The following RBFOX3 variants were observed in gnomAD, a reference collection of about 807,000 sequenced individuals.
RBFOX3 encodes the protein RNA binding fox-1 homolog 3.
In RBFOX3, 17 loss-of-function variants were observed where a neutral mutation model predicts 48.7. The ratio of observed to expected loss-of-function variants is 0.35; its 90% CI spans 0.24 to 0.52. The LOEUF (loss-of-function observed/expected upper bound fraction) is 0.52, where lower values mean the gene tolerates loss of function less well. Ranked by LOEUF, RBFOX3 falls within the 20% of genes least tolerant of loss-of-function variation. RBFOX3 has a pLI of 0.94. For missense variants in RBFOX3, 382 were observed against 497.5 expected (o/e 0.77, Z 2.21); for synonymous variants, 212 against 209.5 (o/e 1.01, Z -0.10).
At chr17:79,575,840 T>C (rs899059830) in intron 1 of RBFOX3, among the ~76,000 whole-genome samples, 210 of 152,246 alleles carry the variant, frequency 1.4e-3, no homozygotes, top group Non-Finnish European at 2.5e-3. Context: ...AATTATTTCA[T>C]GGTATTCCTG....
the RBFOX3 span, among the ~76,000 whole-genome samples, chr17:79,652,101 A>G: frequency 1.3e-5 from 2 of 152,024 alleles, no homozygotes; most frequent in African/African-American, 4.8e-5. Context: ...TCCCCCGCCC[A>G]TGGAAACTGT....
intron 3 of RBFOX3, among the ~76,000 whole-genome samples, chr17:79,264,773 A>G (rs2066390533): frequency 6.6e-6 from 1 of 152,168 alleles, no homozygotes; most frequent in Middle Eastern, 3.4e-3. Context: ...GGTCCTGTGT[A>G]TACTGCCAGA....
intron 4 of RBFOX3, among the ~76,000 whole-genome samples, chr17:79,187,780 G>C (rs1380563255): frequency 6.6e-6 from 1 of 152,112 alleles, no homozygotes; most frequent in East Asian, 1.9e-4. Flanking sequence ...CCCCCACTCA[G>C]GCTTTCATGG....
intron 4 of RBFOX3, among the ~76,000 whole-genome samples, chr17:79,217,955 G>C (rs1042952847): frequency 2.6e-5 from 4 of 152,046 alleles, no homozygotes; most frequent in Admixed American, 6.5e-5. Flanking sequence ...TCTGTGTTAC[G>C]AAGGTGAGAT....
At chr17:79,159,330 A>G (rs1485230441) in intron 4 of RBFOX3, among the ~76,000 whole-genome samples, 1 of 152,084 alleles carries the variant, frequency 6.6e-6, no homozygotes, top group African/African-American at 2.4e-5. Context: ...CACAGATTCT[A>G]TAGCCGGAGA....
chr17:79,360,006 G>A (rs140461219), intron 2 of RBFOX3, among the ~76,000 whole-genome samples: 342 of 152,078 alleles, frequency 2.2e-3, no homozygotes, highest in African/African-American at 7.7e-3. Flanking sequence ...AATTACAGGC[G>A]TGAGCTCCCA....
intron 3 of RBFOX3, among the ~76,000 whole-genome samples, chr17:79,275,104 GCCTCTCTCTCCATGTCTC>G (rs1195494062): frequency 7.5e-6 from 1 of 132,648 alleles, no homozygotes. Flanking sequence ...CCTTCTCTCT[GCCTCTCTCTCCATGTCTC>G]CCTCTCTCTC....
At chr17:79,541,500 G>A (rs1248064288) in intron 1 of RBFOX3, among the ~76,000 whole-genome samples, 3 of 152,214 alleles carry the variant, frequency 2.0e-5, no homozygotes, top group African/African-American at 4.8e-5. Context: ...CCGGCAGCGG[G>A]TCCGCCTGTC....
chr17:79,248,355 C>T (rs1212097419), intron 3 of RBFOX3, among the ~76,000 whole-genome samples: 1 of 152,060 alleles, frequency 6.6e-6, no homozygotes, highest in Non-Finnish European at 1.5e-5. Context: ...GCCTCAGCCT[C>T]CCGAGTAGCT....
At chr17:79,580,575 C>A (rs2093025991) in intron 1 of RBFOX3, among the ~76,000 whole-genome samples, 1 of 152,250 alleles carries the variant, frequency 6.6e-6, no homozygotes, top group South Asian at 2.1e-4. Flanking sequence ...CCTCGATCAG[C>A]CAGGAGAGAG....
At chr17:79,120,738 A>AAGGGTGGGTGGGGGGATGGG (rs2035515163) in intron 4 of RBFOX3, among the ~76,000 whole-genome samples, 1 of 151,324 alleles carries the variant, frequency 6.6e-6, no homozygotes, top group African/African-American at 2.4e-5. Context: ...GGGTGGATGG[A>AAGGGTGGGTGGGGGGATGGG]TGGACAGATG....
chr17:79,218,268 A>G (rs1428503764), intron 4 of RBFOX3, among the ~76,000 whole-genome samples: 26 of 151,926 alleles, frequency 1.7e-4, no homozygotes, highest in Admixed American at 1.7e-3. Context: ...GCCGTCTCCC[A>G]CACTGGGGTG....
At chr17:79,417,775 G>A (rs1245242163) in intron 2 of RBFOX3, among the ~76,000 whole-genome samples, 1 of 152,262 alleles carries the variant, frequency 6.6e-6, no homozygotes, top group Non-Finnish European at 1.5e-5. Context: ...TGCACTTCGT[G>A]TTCACGGCAG....
the RBFOX3 span, among the ~76,000 whole-genome samples, chr17:79,637,193 T>C: frequency 6.6e-6 from 1 of 152,118 alleles, no homozygotes; most frequent in Admixed American, 6.5e-5. Context: ...TAGACAGCAA[T>C]ATAACAGTAG....
At chr17:79,422,329 C>A (rs986288259) in intron 2 of RBFOX3, among the ~76,000 whole-genome samples, 2 of 151,572 alleles carry the variant, frequency 1.3e-5, no homozygotes, top group Non-Finnish European at 2.9e-5. Context: ...AGATGCCCAA[C>A]CCCCCTCCCC....
intron 4 of RBFOX3, among the ~76,000 whole-genome samples, chr17:79,206,325 G>A (rs1210997371): frequency 6.6e-6 from 1 of 152,118 alleles, no homozygotes; most frequent in Non-Finnish European, 1.5e-5. Flanking sequence ...GTTTTGAGTA[G>A]GTCCCAGAGC....
the RBFOX3 span, among the ~76,000 whole-genome samples, chr17:79,624,679 A>G: frequency 1.4e-4 from 21 of 151,786 alleles, no homozygotes; most frequent in African/African-American, 4.4e-4. Flanking sequence ...CAGGATGGCC[A>G]AGGTGCTTCG....
chr17:79,303,814 A>C (rs1353705446), intron 3 of RBFOX3, among the ~76,000 whole-genome samples: 1 of 151,208 alleles, frequency 6.6e-6, no homozygotes. Context: ...TGCGGTACAC[A>C]GTGTGCATGT....
In RBFOX3 at chr17:79,584,208, G is replaced by C. The variant is rs1316474083; in HGVS notation, c.-320+26618C>G. Among the ~76,000 whole-genome samples the C allele has an allele frequency of 5.9e-5, 9 of 152,312 alleles. No individual in the cohort carries two copies. In the East Asian group the frequency reaches 1.7e-3, roughly 29 times the overall value. ...CACAATGCAACACCACCTTACTCCA[G>C]CAAGAATGGCCATACCCAACCAATC... On this transcript the variant is annotated intron_variant, in intron 1 of 14. Coordinates refer to ENST00000693108, the MANE Select transcript of RBFOX3 (RefSeq NM_001350451.2).
Sources: gnomAD v4.1 joint callset for allele counts (sites outside exome capture counted in the v4.1 genomes callset) on GRCh38, gnomAD v4.1.1 for gene constraint, MANE v1.5 for transcripts, NCBI Gene and HGNC (gene_info 2026-07-23, HGNC 2026-07-21) for gene names.